Variants in RNLS observed in about 807,000 individuals in gnomAD.
RNLS encodes the protein renalase, FAD dependent amine oxidase.
In RNLS, 39 loss-of-function variants were observed where a neutral mutation model predicts 39.8. The observed-to-expected ratio is 0.98, with a 90% CI of 0.76 to 1.28. The LOEUF is 1.28. Ranked by LOEUF, RNLS falls within the 50% of genes most tolerant of loss-of-function variation. The pLI, the probability that RNLS is intolerant of heterozygous loss-of-function variation, is 0.00. For synonymous variants in RNLS, 147 were observed against 150.7 expected (o/e 0.98, Z 0.18); for missense variants, 410 against 413.3 (o/e 0.99, Z 0.07).
At chr10:88,551,016 C>T (rs1848579244) in intron 4 of RNLS, among the ~76,000 whole-genome samples, 1 of 152,128 alleles carries the variant, frequency 6.6e-6, no homozygotes, top group African/African-American at 2.4e-5. Context: ...AAAGAAAATA[C>T]ACACCCGCAA....
chr10:88,209,456 A>G, the RNLS span, among the ~76,000 whole-genome samples: 1 of 152,198 alleles, frequency 6.6e-6, no homozygotes, highest in African/African-American at 2.4e-5. Context: ...GGGAATGTCA[A>G]GCATTGCTGG....
chr10:88,430,850 G>C (rs929360811), intron 4 of RNLS, among the ~76,000 whole-genome samples: 1 of 151,592 alleles, frequency 6.6e-6, no homozygotes, highest in African/African-American at 2.4e-5. Context: ...TTTTGTCGTG[G>C]TCTTTTGTAT....
At chr10:88,329,485 T>C in intron 5 of RNLS, among the ~76,000 whole-genome samples, 1 of 152,166 alleles carries the variant, frequency 6.6e-6, no homozygotes, top group East Asian at 1.9e-4. Context: ...TTGAGGTTTT[T>C]TTTGGTTTAC....
intron 4 of RNLS, among the ~76,000 whole-genome samples, chr10:88,511,826 T>C (rs1229036487): frequency 2.0e-5 from 3 of 152,226 alleles, no homozygotes; most frequent in Non-Finnish European, 4.4e-5. Flanking sequence ...CTCATGTTCT[T>C]AACAAAGTGA....
the RNLS span, among the ~76,000 whole-genome samples, chr10:88,226,798 T>C: frequency 7.6e-6 from 1 of 132,396 alleles, no homozygotes; most frequent in Admixed American, 8.9e-5. Context: ...AAACTTAAGA[T>C]GCAAAATATT....
At chr10:88,525,292 T>C (rs1847045645) in intron 4 of RNLS, among the ~76,000 whole-genome samples, 1 of 151,898 alleles carries the variant, frequency 6.6e-6, no homozygotes, top group Non-Finnish European at 1.5e-5. Flanking sequence ...AATATAAACT[T>C]TCTTCATATT....
rs370370474 is a variant in RNLS, at chr10:88,456,439, G to A, written c.527-93714C>T. On this transcript the variant is annotated intron_variant, in intron 4 of 6. Transcript: ENST00000331772. ...GGTAAAAATATGAGTATGAGAAAAT[G>A]TTAGAAATTGTAGGGACCATGGTGA... Among the ~76,000 whole-genome samples the A allele has an allele frequency of 2.0e-5, 3 of 152,202 alleles. No homozygotes were observed. In the East Asian group the frequency reaches 5.8e-4, roughly 29 times the overall value.
At chr10:88,439,455 A>G (rs1841589953) in intron 4 of RNLS, among the ~76,000 whole-genome samples, 1 of 152,194 alleles carries the variant, frequency 6.6e-6, no homozygotes, top group African/African-American at 2.4e-5. Context: ...GCTTTTGTTT[A>G]TTAACTGGTG....
chr10:88,282,700 A>G (rs1843067505), downstream of RNLS, among the ~76,000 whole-genome samples: 1 of 151,944 alleles, frequency 6.6e-6, no homozygotes, highest in Non-Finnish European at 1.5e-5. Context: ...GTCTGGGATT[A>G]CTGCTGCTTT....
chr10:88,300,888 T>A (rs1844466109), intron 6 of RNLS, among the ~76,000 whole-genome samples: 1 of 152,176 alleles, frequency 6.6e-6, no homozygotes, highest in Non-Finnish European at 1.5e-5. Context: ...CCAAGTAGAT[T>A]TACTCTTTAT....
At chr10:88,333,422 C>A (rs544001986) in intron 5 of RNLS, among the ~76,000 whole-genome samples, 102 of 152,250 alleles carry the variant, frequency 6.7e-4, no homozygotes, top group South Asian at 6.2e-3. Context: ...TTTCTTAATA[C>A]CCTTCCTGAA....
At chr10:88,439,871 A>G (rs781415699) in intron 4 of RNLS, among the ~76,000 whole-genome samples, 1 of 152,174 alleles carries the variant, frequency 6.6e-6, no homozygotes, top group Non-Finnish European at 1.5e-5. Context: ...TTGAAGTCCT[A>G]TCTACCCAGA....
intron 5 of RNLS, among the ~76,000 whole-genome samples, chr10:88,343,024 CTT>C (rs1308283460): frequency 6.6e-6 from 1 of 152,122 alleles, no homozygotes; most frequent in African/African-American, 2.4e-5. Flanking sequence ...AGTATCTGGC[CTT>C]TATAAAACAT....
chr10:88,518,340 A>G (rs891250577), intron 4 of RNLS, among the ~76,000 whole-genome samples: 7 of 151,954 alleles, frequency 4.6e-5, no homozygotes, highest in Non-Finnish European at 7.4e-5. Flanking sequence ...TTTATTCCCT[A>G]CAGTAAACCT....
the RNLS span, among the ~76,000 whole-genome samples, chr10:88,172,137 G>A: frequency 6.6e-6 from 1 of 152,124 alleles, no homozygotes; most frequent in Admixed American, 6.5e-5. Context: ...ATAAACATGA[G>A]GGTACATATA....
At chr10:88,446,992 A>C (rs1177284900) in intron 4 of RNLS, among the ~76,000 whole-genome samples, 1 of 152,244 alleles carries the variant, frequency 6.6e-6, no homozygotes, top group Non-Finnish European at 1.5e-5. Context: ...TCAATAAATT[A>C]GGTATTGATG....
In RNLS at chr10:88,443,671, C is replaced by T. The variant is rs151029971; in HGVS notation, c.527-80946G>A. On this transcript the variant is annotated intron_variant, in intron 4 of 6. Coordinates refer to ENST00000331772, the MANE Select transcript of RNLS (RefSeq NM_001031709.3). ...AATGGCACACCAGGAGATTATATCC[C>T]GTGCATGGCTTGGAGGGTCCCATGC... 5.3e-3 allele frequency among the ~76,000 whole-genome samples: 808 copies of T among 152,376 alleles called. 6 individuals are homozygous for T. The highest frequency in any genetic ancestry group is 6.8e-3 in the South Asian group (33 of 4,832).
intron 5 of RNLS, among the ~76,000 whole-genome samples, chr10:88,334,848 GC>G (rs1390601887): frequency 6.6e-6 from 1 of 151,892 alleles, no homozygotes; most frequent in Non-Finnish European, 1.5e-5. Context: ...AAAAAAATGA[GC>G]AAGCAATTTT....
chr10:88,433,609 T>A (rs545853221), intron 4 of RNLS, among the ~76,000 whole-genome samples: 8 of 152,248 alleles, frequency 5.3e-5, no homozygotes, highest in Non-Finnish European at 1.2e-4. Context: ...TTAATTTACT[T>A]CCTTTGCTTT....
Sources: gnomAD v4.1 joint callset for allele counts (sites outside exome capture counted in the v4.1 genomes callset) on GRCh38, gnomAD v4.1.1 for gene constraint, MANE v1.5 for transcripts, NCBI Gene and HGNC (gene_info 2026-07-23, HGNC 2026-07-21) for gene names.